Variants in KCNQ1OT1 observed in about 807,000 individuals in gnomAD.
KCNQ1OT1 encodes KCNQ1 opposite strand/antisense transcript 1.
exon 1 of KCNQ1OT1, chr11:2,689,380 G>A: frequency 2.5e-6 from 1 of 398,718 alleles, no homozygotes; most frequent in Non-Finnish European, 4.4e-6. Context: ...GTGCTTGAGT[G>A]GGGTGGAAGA....
chr11:2,619,712 ATT>A lies in KCNQ1OT1; in HGVS notation n.80281_80282del, dbSNP rs35618307. On this transcript the variant is annotated non_coding_transcript_exon_variant, in exon 1 of 1. Transcript: ENST00000597346. ...GTTAGGAAGTATTCCCTTTAGCTGC[ATT>A]TTTTTTTTTTTGGAAGTATTCCCTA... 1,172 of 367,910 alleles carry A rather than the reference ATT, an allele frequency of 3.2e-3. 3 individuals are homozygous for A. Among genetic ancestry groups the A allele is most frequent in the African/African-American group, 0.022 (1,002 of 45,016 alleles). The allele number at this position is 367,910 out of a possible 1,614,324, so 22.8% of individuals were successfully genotyped here. A position where few individuals can be genotyped will look rare whatever the true frequency, so the allele number is the denominator to read the frequency against.
exon 1 of KCNQ1OT1, chr11:2,667,741 G>C (rs1164087105): frequency 2.0e-5 from 8 of 398,656 alleles, no homozygotes; most frequent in Non-Finnish European, 3.1e-5. Flanking sequence ...GAGGGAGTGG[G>C]ATGGGGCTGG....
exon 1 of KCNQ1OT1, chr11:2,656,599 G>T: frequency 2.5e-6 from 1 of 398,528 alleles, no homozygotes; most frequent in East Asian, 3.6e-5. Flanking sequence ...GTGCTACTTT[G>T]TCTATTGCCC....
Position 2,662,005 on chromosome 11 carries a change from A to G in KCNQ1OT1, n.37990T>C. 6.2e-7 allele frequency: 1 copy of G among 1,614,218 alleles called. No individual in the cohort carries two copies. Among genetic ancestry groups the G allele is most frequent in the African/African-American group, 1.3e-5 (1 of 75,058 alleles). On this transcript the variant is annotated non_coding_transcript_exon_variant, in exon 1 of 1. Transcript: ENST00000597346. ...GCTGGAAGTGAGCATGCCCCATTTC[A>G]TGAGAACCAACAGCTTCGCCGAGGA... is the stretch of plus-strand genomic sequence containing the variant.
Position 2,622,805 on chromosome 11 carries a change from A to C in KCNQ1OT1, n.77190T>G, listed in dbSNP as rs1374569569. 9 of 398,552 alleles carry C rather than the reference A, an allele frequency of 2.3e-5. No individual in the cohort carries two copies. In the East Asian group the frequency reaches 3.2e-4, roughly 14 times the overall value. The allele number at this position is 398,552 out of a possible 1,614,324, so 24.7% of individuals were successfully genotyped here. A position where few individuals can be genotyped will look rare whatever the true frequency, so the allele number is the denominator to read the frequency against. Reference sequence around the variant, plus strand: ...TCCCGTATACCCACTGCACCCATACATACAGAGCTTTTCCCATTACCAACT... The same window carrying C: ...TCCCGTATACCCACTGCACCCATACCTACAGAGCTTTTCCCATTACCAACT... On this transcript the variant is annotated non_coding_transcript_exon_variant, in exon 1 of 1. Coordinates refer to ENST00000597346, the Ensembl canonical transcript of KCNQ1OT1.
exon 1 of KCNQ1OT1, chr11:2,699,557 G>A (rs1331035677): frequency 1.2e-5 from 4 of 333,612 alleles, no homozygotes; most frequent in Non-Finnish European, 2.1e-5. Flanking sequence ...ACCGCGCGGA[G>A]GAGAACCATG....
Position 2,645,451 on chromosome 11 carries a change from G to C in KCNQ1OT1, n.54544C>G. 1 of 398,692 alleles carries C rather than the reference G, an allele frequency of 2.5e-6. No homozygotes were observed. Among genetic ancestry groups the C allele is most frequent in the Non-Finnish European group, 4.4e-6 (1 of 226,130 alleles). The allele number at this position is 398,692 out of a possible 1,614,324, so 24.7% of individuals were successfully genotyped here. On this transcript the variant is annotated non_coding_transcript_exon_variant, in exon 1 of 1. Coordinates refer to ENST00000597346, the Ensembl canonical transcript of KCNQ1OT1. This position sits in a 1 kb window ranked among gnomAD's most constrained non-coding sequence, Gnocchi z 5.8. The stretch of plus-strand genomic sequence containing the variant: ...AAGAATGTACTGACTGTGGTAGGCA[G>C]GCACAGGAAGATCCCTGTATACCCT...
chr11:2,633,500 A>C (rs1849398491), exon 1 of KCNQ1OT1: 2 of 398,508 alleles, frequency 5.0e-6, no homozygotes. Flanking sequence ...TGTTTGCTTC[A>C]GGTCTCATGT....
At chr11:2,633,149 C>G (rs1849390941) in exon 1 of KCNQ1OT1, 1 of 398,382 alleles carries the variant, frequency 2.5e-6, no homozygotes, top group Non-Finnish European at 4.4e-6. Context: ...CTTTGACTTG[C>G]ATTTCTGTGA....
chr11:2,646,327 A>T (rs1236092412), exon 1 of KCNQ1OT1: 1 of 398,398 alleles, frequency 2.5e-6, no homozygotes, highest in African/African-American at 2.1e-5. Flanking sequence ...TTTTTCTTTC[A>T]ATCCATGAGC....
exon 1 of KCNQ1OT1, chr11:2,632,996 T>G: frequency 2.5e-6 from 1 of 398,502 alleles, no homozygotes; most frequent in Middle Eastern, 6.3e-4. Context: ...AACACCACAG[T>G]ATTTTCCATA....
Position 2,668,338 on chromosome 11 carries a change from G to C in KCNQ1OT1, n.31657C>G, listed in dbSNP as rs1850120966. 2.5e-6 allele frequency: 1 copy of C among 398,500 alleles called. No individual in the cohort carries two copies. The highest frequency in any genetic ancestry group is 2.1e-5 in the African/African-American group (1 of 48,616). 24.7% of individuals were successfully genotyped at this position (398,500 alleles called of 1,614,324 possible). A position where few individuals can be genotyped will look rare whatever the true frequency, so the allele number is the denominator to read the frequency against. On this transcript the variant is annotated non_coding_transcript_exon_variant, in exon 1 of 1. Transcript: ENST00000597346. The surrounding 1 kb of genome is among the most constrained non-coding windows in gnomAD (Gnocchi z 4.3). ...ATATATGCCTATGTGTGGAGCTGCA[G>C]GGTCCTGGGTGGGCATATGTTTACT...
At chr11:2,634,320 TCCCC>T (rs1195451890) in exon 1 of KCNQ1OT1, 3 of 165,106 alleles carry the variant, frequency 1.8e-5, no homozygotes, top group African/African-American at 9.7e-5. Context: ...CCCTCCCCCC[TCCCC>T]CCTCCCCCCC....
chr11:2,634,571 G>C (rs1849424146), exon 1 of KCNQ1OT1: 1 of 152,058 alleles, frequency 6.6e-6, no homozygotes, highest in African/African-American at 2.4e-5. Flanking sequence ...TCTTAATCCA[G>C]TCTATCATTG....
chr11:2,662,563 G>A (rs2133857074), exon 1 of KCNQ1OT1: 1 of 426,764 alleles, frequency 2.3e-6, no homozygotes, highest in East Asian at 3.3e-5. Flanking sequence ...TTCCCCTGAG[G>A]CACAGCTGGC....
exon 1 of KCNQ1OT1, chr11:2,631,191 T>G (rs1328392443): frequency 2.5e-6 from 1 of 398,442 alleles, no homozygotes; most frequent in Non-Finnish European, 4.4e-6. Flanking sequence ...CCTTTACCTC[T>G]CTACTTTCCT....
chr11:2,693,152 A>G (rs946094708), exon 1 of KCNQ1OT1: 21 of 398,666 alleles, frequency 5.3e-5, no homozygotes, highest in Admixed American at 2.6e-4. Context: ...CCCTCAGTCT[A>G]CACTCTGTGA....
Position 2,668,941 on chromosome 11 carries a change from T to A in KCNQ1OT1, n.31054A>T, listed in dbSNP as rs1236014150. 2.5e-6 allele frequency: 1 copy of A among 398,524 alleles called. No individual in the cohort carries two copies. The highest frequency in any genetic ancestry group is 2.1e-5 in the African/African-American group (1 of 48,612). 24.7% of individuals were successfully genotyped at this position (398,524 alleles called of 1,614,324 possible). On this transcript the variant is annotated non_coding_transcript_exon_variant, in exon 1 of 1. Coordinates refer to ENST00000597346, the Ensembl canonical transcript of KCNQ1OT1. The surrounding 1 kb of genome is among the most constrained non-coding windows in gnomAD (Gnocchi z 4.3). ...TATTAGCTCACCTTTCCCATGTAGA[T>A]CTGCACTCCATCTGGGATTGATTTT...
rs927344245 is a variant in KCNQ1OT1 at position 2,654,123 on chromosome 11, C to T, written n.45872G>A. 7 of 398,768 alleles carry T rather than the reference C, an allele frequency of 1.8e-5. No individual in the cohort carries two copies. In the South Asian group the frequency reaches 3.8e-4, roughly 22 times the overall value. The allele number at this position is 398,768 out of a possible 1,614,324, so 24.7% of individuals were successfully genotyped here. A position where few individuals can be genotyped will look rare whatever the true frequency, so the allele number is the denominator to read the frequency against. On this transcript the variant is annotated non_coding_transcript_exon_variant, in exon 1 of 1. Transcript: ENST00000597346. The surrounding 1 kb of genome is among the most constrained non-coding windows in gnomAD (Gnocchi z 6.4). ...CTCTGAGTGGAGACACAGGTGGTGG[C>T]GGGGCCACTCTGGCTCAGGGTCTAT...
Sources: allele counts gnomAD v4.1 joint callset, GRCh38; gene constraint gnomAD v4.1.1; non-coding constraint Gnocchi (gnomAD v3.1); transcripts MANE v1.5; gene names NCBI Gene and HGNC (gene_info 2026-07-23, HGNC 2026-07-21).